CDH22: variants seen among roughly 807,000 people sequenced by gnomAD.
CDH22 encodes the protein cadherin 22.
Under a neutral mutation model 58.4 loss-of-function variants are expected in CDH22, and 30 were observed. The observed-to-expected ratio is 0.51, with a 90% CI of 0.38 to 0.70. The LOEUF is 0.70. Among genes scored for constraint, CDH22 ranks in the 30% least tolerant of loss-of-function variants. The pLI, the probability that CDH22 is intolerant of heterozygous loss-of-function variation, is 0.00. For synonymous variants in CDH22, 513 were observed against 558.2 expected (o/e 0.92, Z 1.14); for missense variants, 1,014 against 1,233.9 (o/e 0.82, Z 2.67).
intron 1 of CDH22, among the ~76,000 whole-genome samples, chr20:46,267,177 A>G (rs1386281929): frequency 1.3e-5 from 2 of 151,894 alleles, no homozygotes; most frequent in Non-Finnish European, 2.9e-5. Flanking sequence ...TTGAACTAGG[A>G]AAGTCTGGTG....
chr20:46,275,289 C>T (rs1458461627), intron 1 of CDH22, among the ~76,000 whole-genome samples: 4 of 152,178 alleles, frequency 2.6e-5, no homozygotes, highest in Non-Finnish European at 4.4e-5. Flanking sequence ...CACCTGATTG[C>T]CTTTGCAGTA....
intron 8 of CDH22, among the ~76,000 whole-genome samples, chr20:46,191,885 C>T (rs539611705): frequency 6.6e-5 from 10 of 152,194 alleles, no homozygotes; most frequent in Admixed American, 1.3e-4. Flanking sequence ...GCCCACAAGG[C>T]CCCCCATGAT....
intron 6 of CDH22, among the ~76,000 whole-genome samples, chr20:46,212,370 T>C (rs1002930140): frequency 2.0e-5 from 3 of 152,200 alleles, no homozygotes; most frequent in African/African-American, 7.2e-5. Flanking sequence ...TAATGGCCTT[T>C]GCAGCCCTGA....
chr20:46,292,850 C>T (rs1039502324), intron 1 of CDH22, among the ~76,000 whole-genome samples: 2 of 152,026 alleles, frequency 1.3e-5, no homozygotes, highest in African/African-American at 4.8e-5. Context: ...CTGATTCCTG[C>T]AGGCAGAGTT....
At chr20:46,175,931 C>G (rs56678929) in intron 11 of CDH22, among the ~76,000 whole-genome samples, 4,219 of 152,254 alleles carry the variant, frequency 0.028, 198 homozygotes, top group African/African-American at 0.096. Flanking sequence ...TATCTTGGTG[C>G]CTGGCATGCA....
At chr20:46,191,922 G>A (rs1335908447) in intron 8 of CDH22, among the ~76,000 whole-genome samples, 3 of 151,956 alleles carry the variant, frequency 2.0e-5, no homozygotes, top group Admixed American at 6.6e-5. Flanking sequence ...CTCTGGCCTC[G>A]TTGCTACCCC....
intron 1 of CDH22, among the ~76,000 whole-genome samples, chr20:46,273,671 C>A (rs2086503557): frequency 6.6e-6 from 1 of 152,146 alleles, no homozygotes; most frequent in South Asian, 2.1e-4. Flanking sequence ...GAGGGAAAGA[C>A]CCATGTAGAA....
chr20:46,177,943 C>T lies in CDH22; in HGVS notation c.1915+3G>A. On this transcript the variant is annotated splice_donor_region_variant and intron_variant, in intron 11 of 11. Transcript: ENST00000537909. Reference sequence around the variant, plus strand: ...AGGGCTGGGTGGCTCTCGATGGACTCACCAACCAGGATGAGAACGCAGACC... The same window carrying T: ...AGGGCTGGGTGGCTCTCGATGGACTTACCAACCAGGATGAGAACGCAGACC... 1 of 1,613,442 alleles carries T rather than the reference C, an allele frequency of 6.2e-7. No individual in the cohort carries two copies. The highest frequency in any genetic ancestry group is 1.1e-5 in the South Asian group (1 of 91,038).
chr20:46,260,881 C>T (rs1224287790), intron 1 of CDH22, among the ~76,000 whole-genome samples: 4 of 152,214 alleles, frequency 2.6e-5, no homozygotes, highest in Admixed American at 2.6e-4. Context: ...TCTGTCCTCT[C>T]ACTCTGCCAA....
chr20:46,227,461 C>T, intron 4 of CDH22, 47 bp downstream of exon 4: 1 of 1,335,762 alleles, frequency 7.5e-7, no homozygotes, highest in African/African-American at 1.4e-5. Flanking sequence ...CGCCCCGCCC[C>T]TGGCCCCGCC....
chr20:46,216,917 G>C lies in CDH22; in HGVS notation c.747C>G (p.Asp249Glu). The C allele has an allele frequency of 6.2e-7, 1 of 1,611,230 alleles. No homozygotes were observed. Residue 249 changes from aspartate to glutamate, a missense_variant, in exon 5 of 12, where the codon GAC (aspartate) becomes GAG (glutamate). Asp to Glu is a conservative substitution (Grantham distance 45). This residue lies in a region of CDH22 where 806 missense variants were observed against 1,038.7 expected (regional missense o/e 0.78). Transcript: ENST00000537909. The surrounding 1 kb of genome is among the most constrained non-coding windows in gnomAD (Gnocchi z 5.3). The stretch of plus-strand genomic sequence containing the variant: ...AGAGGCCACCCAGCTGACCCGCCAT[G>C]TCTGTGGCCTGGATCACCACCTCGT... Reference protein sequence around the residue: ...ERYEVVIQATDMAGQLGGLSG... With the variant: ...ERYEVVIQATEMAGQLGGLSG...
At chr20:46,293,582 CA>C (rs993278896) in intron 1 of CDH22, among the ~76,000 whole-genome samples, 3 of 152,146 alleles carry the variant, frequency 2.0e-5, no homozygotes, top group Non-Finnish European at 4.4e-5. Flanking sequence ...CACATGTCCC[CA>C]AATTGTCCAC....
chr20:46,298,121 A>C (rs996854036), intron 1 of CDH22, among the ~76,000 whole-genome samples: 2 of 152,198 alleles, frequency 1.3e-5, no homozygotes, highest in East Asian at 1.9e-4. Context: ...ATGATCAATA[A>C]GGTTGTCCTC....
intron 1 of CDH22, among the ~76,000 whole-genome samples, chr20:46,301,735 C>T (rs947636322): frequency 2.6e-5 from 4 of 151,910 alleles, no homozygotes; most frequent in Non-Finnish European, 4.4e-5. Context: ...TGCTTGAACC[C>T]GGGAGGCAGA....
chr20:46,217,819 CCA>C (rs747036892), intron 4 of CDH22, among the ~76,000 whole-genome samples: 68 of 152,098 alleles, frequency 4.5e-4, no homozygotes, highest in Non-Finnish European at 9.0e-4. Flanking sequence ...ACACATCCTC[CCA>C]CACAAACACA....
chr20:46,194,549 C>T (rs557202528), intron 8 of CDH22, among the ~76,000 whole-genome samples: 1 of 152,306 alleles, frequency 6.6e-6, no homozygotes, highest in South Asian at 2.1e-4. Flanking sequence ...GACATTCCCT[C>T]TCCTCTCAGA....
At chr20:46,183,600 T>C (rs1384388247) in intron 10 of CDH22, among the ~76,000 whole-genome samples, 1 of 151,992 alleles carries the variant, frequency 6.6e-6, no homozygotes, top group Non-Finnish European at 1.5e-5. Context: ...AGCTAATTAT[T>C]ATTATTATTT....
rs145157520 is a variant in CDH22, at chr20:46,266,684, G to T, written c.-399-14991C>A. ...TCTAGGCTGGACGGCAAGTGGAGTA[G>T]GTTGGAGCTTGGCTTTGATCCCATA... On this transcript the variant is annotated intron_variant, in intron 1 of 11. Transcript: ENST00000537909. Among the ~76,000 whole-genome samples the T allele has an allele frequency of 1.4e-3, 218 of 152,346 alleles. 2 individuals are homozygous for T. Among genetic ancestry groups the T allele is most frequent in the African/African-American group, 5.1e-3 (212 of 41,578 alleles).
chr20:46,213,211 C>G (rs1459886069), intron 5 of CDH22, 23 bp from the exon 6 acceptor site: 2 of 1,609,750 alleles, frequency 1.2e-6, no homozygotes, highest in African/African-American at 1.3e-5. Context: ...CGGCCATGAG[C>G]AGGGATGAAG....
Sources: allele counts gnomAD v4.1 joint callset (sites outside exome capture counted in the v4.1 genomes callset), GRCh38; gene constraint gnomAD v4.1.1; regional missense constraint gnomAD v4.1.1; non-coding constraint Gnocchi (gnomAD v3.1); transcripts MANE v1.5; gene names NCBI Gene and HGNC (gene_info 2026-07-23, HGNC 2026-07-21).